The following KCTD16 variants were observed in gnomAD, a reference collection of about 807,000 sequenced individuals.
KCTD16 encodes the protein potassium channel tetramerization domain containing 16, also known as BTB/POZ domain-containing protein KCTD16.
A neutral mutation model predicts 33.2 loss-of-function variants in KCTD16; 13 were observed. The observed-to-expected ratio is 0.39, with a 90% confidence interval of 0.25 to 0.62. The LOEUF (loss-of-function observed/expected upper bound fraction) is 0.62. KCTD16 is among the 20% of genes least tolerant of loss of function. KCTD16 has a pLI of 0.50. For synonymous variants in KCTD16, 197 were observed against 195.3 expected (o/e 1.01, Z -0.07); for missense variants, 441 against 525.1 (o/e 0.84, Z 1.57).
In KCTD16 at chr5:144,218,785, A is replaced by G. The variant is rs137995179; in HGVS notation, c.832+11239A>G. Among the ~76,000 whole-genome samples the G allele has an allele frequency of 9.8e-5, 15 of 152,340 alleles. No individual in the cohort carries two copies. In the East Asian group the frequency reaches 2.9e-3, roughly 29 times the overall value. ...TCTCATGCACAAATCATTTGCAGCA[A>G]CTACTACAGTGCTGAACACTCAGGA... On this transcript the variant is annotated intron_variant, in intron 3 of 3. Transcript: ENST00000512467.
In KCTD16 at chr5:144,242,735, A is replaced by T. The variant is rs535264862; in HGVS notation, c.832+35189A>T. Among the ~76,000 whole-genome samples the T allele has an allele frequency of 3.3e-5, 5 of 152,004 alleles. No individual in the cohort carries two copies. In the East Asian group the frequency reaches 9.7e-4, roughly 29 times the overall value. ...TAAAGGAGAGCTGATGTGTGTAGAGATTGCATGGTCATAGAGGAAGCAAGG... is the reference window on the plus strand; with the variant it reads ...TAAAGGAGAGCTGATGTGTGTAGAGTTTGCATGGTCATAGAGGAAGCAAGG... On this transcript the variant is annotated intron_variant, in intron 3 of 3. Coordinates refer to ENST00000512467, the MANE Select transcript of KCTD16 (RefSeq NM_020768.4).
intron 3 of KCTD16, among the ~76,000 whole-genome samples, chr5:144,393,963 C>CTTTTTTTTTTTTT (rs70995050): frequency 2.5e-4 from 31 of 121,996 alleles, no homozygotes; most frequent in African/African-American, 4.3e-4. Flanking sequence ...TTTCTTTTTT[C>CTTTTTTTTTTTTT]TTTTTTTTTT....
At chr5:144,415,836 C>G (rs537158410) in intron 3 of KCTD16, among the ~76,000 whole-genome samples, 6 of 152,280 alleles carry the variant, frequency 3.9e-5, no homozygotes, top group African/African-American at 1.4e-4. Flanking sequence ...AGGACTTAAT[C>G]TGGAAGCTGC....
intron 3 of KCTD16, chr5:144,369,266 G>T (rs568697075): frequency 6.6e-6 from 1 of 152,220 alleles, no homozygotes; most frequent in African/African-American, 2.4e-5. Flanking sequence ...GTTTTGTGCT[G>T]AAGCCTGAGA....
At chr5:144,291,375 A>G (rs1353272633) in intron 3 of KCTD16, among the ~76,000 whole-genome samples, 2 of 151,896 alleles carry the variant, frequency 1.3e-5, no homozygotes, top group Non-Finnish European at 2.9e-5. Flanking sequence ...TTCTTCCTCA[A>G]CTCTCTCAGA....
In KCTD16 at chr5:144,475,984, T is replaced by G. The variant is rs1250847995; in HGVS notation, c.*1870T>G. 1 of 152,224 alleles carries G rather than the reference T, an allele frequency of 6.6e-6. No individual in the cohort carries two copies. Among genetic ancestry groups the G allele is most frequent in the Admixed American group, 6.5e-5 (1 of 15,276 alleles). 9.4% of individuals were successfully genotyped at this position (152,224 alleles called of 1,614,324 possible). ...CTTGGGAGTTGAGTTGTCAAGAGAA[T>G]TATAATTTATGAATTTAAGTGGTAT... On this transcript the variant is annotated 3_prime_UTR_variant, in exon 4 of 4. Transcript: ENST00000512467.
At chr5:144,464,407 G>A (rs1385686808) in intron 3 of KCTD16, among the ~76,000 whole-genome samples, 1 of 151,950 alleles carries the variant, frequency 6.6e-6, no homozygotes, top group African/African-American at 2.4e-5. Flanking sequence ...CTAGGGGACA[G>A]CTGGCAATAT....
At chr5:144,292,807 G>T (rs1218062196) in intron 3 of KCTD16, among the ~76,000 whole-genome samples, 1 of 152,178 alleles carries the variant, frequency 6.6e-6, no homozygotes, top group Non-Finnish European at 1.5e-5. Context: ...AGCAACCAGT[G>T]ATCTTTGCCT....
At chr5:144,325,123 G>A (rs372237535) in intron 3 of KCTD16, among the ~76,000 whole-genome samples, 1 of 152,180 alleles carries the variant, frequency 6.6e-6, no homozygotes, top group East Asian at 1.9e-4. Flanking sequence ...TATCCATGAT[G>A]GCAACGAAAG....
chr5:144,263,284 G>A (rs909060134), intron 3 of KCTD16, among the ~76,000 whole-genome samples: 5 of 152,148 alleles, frequency 3.3e-5, no homozygotes, highest in African/African-American at 1.2e-4. Context: ...GGTGGCAAGG[G>A]CATCAAGATT....
intron 2 of KCTD16, among the ~76,000 whole-genome samples, chr5:144,186,462 T>G (rs1225875639): frequency 1.3e-5 from 2 of 152,126 alleles, no homozygotes; most frequent in Non-Finnish European, 2.9e-5. Flanking sequence ...CAGTCAGAAC[T>G]ATTCATCATC....
intron 3 of KCTD16, among the ~76,000 whole-genome samples, chr5:144,452,522 G>A (rs1462106238): frequency 6.6e-6 from 1 of 151,604 alleles, no homozygotes; most frequent in Non-Finnish European, 1.5e-5. Context: ...AGAGAAATAG[G>A]GACGAGAAAG....
At chr5:144,444,211 T>C (rs73792029) in intron 3 of KCTD16, among the ~76,000 whole-genome samples, 5,221 of 74,812 alleles carry the variant, frequency 0.07, 215 homozygotes, top group African/African-American at 0.23. Flanking sequence ...CCCTCCCCCC[T>C]CCACACACAA....
intron 3 of KCTD16, among the ~76,000 whole-genome samples, chr5:144,264,864 A>G (rs1239201060): frequency 2.0e-5 from 3 of 152,340 alleles, no homozygotes; most frequent in East Asian, 3.9e-4. Flanking sequence ...CAAAACTCAT[A>G]TACATGTAAT....
chr5:144,347,823 T>G (rs1471959195), intron 3 of KCTD16, among the ~76,000 whole-genome samples: 1 of 152,126 alleles, frequency 6.6e-6, no homozygotes, highest in Non-Finnish European at 1.5e-5. Flanking sequence ...GGATCTCTTC[T>G]GCCTGGGAGC....
intron 3 of KCTD16, among the ~76,000 whole-genome samples, chr5:144,276,040 T>C (rs1225551445): frequency 1.3e-5 from 2 of 152,216 alleles, no homozygotes; most frequent in East Asian, 1.9e-4. Flanking sequence ...GTGCTCTTCA[T>C]TGGAACTTTT....
intron 3 of KCTD16, among the ~76,000 whole-genome samples, chr5:144,304,847 C>A (rs1041129004): frequency 6.6e-6 from 1 of 152,166 alleles, no homozygotes; most frequent in African/African-American, 2.4e-5. Context: ...TTATCATCAT[C>A]CTTCTCATTA....
In KCTD16 at chr5:144,459,950, G is replaced by A. The variant is rs995877394; in HGVS notation, c.833-13710G>A. On this transcript the variant is annotated intron_variant, in intron 3 of 3. Coordinates refer to ENST00000512467, the MANE Select transcript of KCTD16 (RefSeq NM_020768.4). Reference sequence around the variant, plus strand: ...GGGTTCACTCCATTCTCCTGCCTCAGTCTCCCGAGTTAACTGGGACTACAG... The same window carrying A: ...GGGTTCACTCCATTCTCCTGCCTCAATCTCCCGAGTTAACTGGGACTACAG... Among the ~76,000 whole-genome samples, 3 of 117,582 alleles carry A rather than the reference G, an allele frequency of 2.6e-5. No individual in the cohort carries two copies. The South Asian group carries it at 8.6e-4, about 34-fold the overall frequency. 77.1% of individuals were successfully genotyped at this position (117,582 alleles called of 152,430 possible).
intron 2 of KCTD16, among the ~76,000 whole-genome samples, chr5:144,199,706 C>CTTTTTT (rs1753004869): frequency 2.9e-5 from 3 of 102,452 alleles, no homozygotes; most frequent in African/African-American, 8.2e-5. Flanking sequence ...AGAACAGCTT[C>CTTTTTT]ATTTTTTTTT....
Sources: allele counts gnomAD v4.1 joint callset (sites outside exome capture counted in the v4.1 genomes callset), GRCh38; gene constraint gnomAD v4.1.1; transcripts MANE v1.5; gene names NCBI Gene and HGNC (gene_info 2026-07-23, HGNC 2026-07-21).